The following CLSTN2 variants were observed in gnomAD, a reference collection of about 807,000 sequenced individuals.
The protein encoded by CLSTN2 is calsyntenin 2.
Under a neutral mutation model 101.2 loss-of-function variants are expected in CLSTN2, and 48 were observed. The observed-to-expected ratio is 0.47, with a 90% confidence interval of 0.38 to 0.60. The LOEUF (loss-of-function observed/expected upper bound fraction) is 0.60, where lower values mean the gene tolerates loss of function less well. Among genes scored for constraint, CLSTN2 ranks in the 20% least tolerant of loss-of-function variants. The probability of loss-of-function intolerance (pLI) is 0.00; values close to 1 mark genes in which losing one functional copy is unlikely to be tolerated. For synonymous variants in CLSTN2, 481 were observed against 463.6 expected (o/e 1.04, Z -0.48); for missense variants, 1,160 against 1,238.2 (o/e 0.94, Z 0.95).
chr3:139,941,476 A>G (rs1025991770), intron 1 of CLSTN2, among the ~76,000 whole-genome samples: 1 of 152,194 alleles, frequency 6.6e-6, no homozygotes, highest in Non-Finnish European at 1.5e-5. Context: ...TCCAATTATC[A>G]AAGAGTTCAC....
chr3:140,317,488 AG>A (rs2087240859), intron 2 of CLSTN2, among the ~76,000 whole-genome samples: 1 of 152,118 alleles, frequency 6.6e-6, no homozygotes, highest in African/African-American at 2.4e-5. Flanking sequence ...CTTCTGTAAA[AG>A]TTCCTACAGC....
At position 139,935,194 on chromosome 3, in the gene CLSTN2, G is replaced by A. The variant is rs1156911750; in HGVS notation, c.-181G>A. 2 of 327,336 alleles carry A rather than the reference G, an allele frequency of 6.1e-6. No homozygotes were observed. The highest frequency in any genetic ancestry group is 1.1e-5 in the Non-Finnish European group (2 of 181,356). The allele number at this position is 327,336 out of a possible 1,614,324, so 20.3% of individuals were successfully genotyped here. A position where few individuals can be genotyped will look rare whatever the true frequency, so the allele number is the denominator to read the frequency against. ...GCTCCGGGTCCGCGCCAGTGAGCGC[G>A]GCTGCTGCCGGCGAGCTAGCGGCGC... On this transcript the variant is annotated 5_prime_UTR_variant, in exon 1 of 17. Coordinates refer to ENST00000458420, the MANE Select transcript of CLSTN2 (RefSeq NM_022131.3). The surrounding 1 kb of genome is among the most constrained non-coding windows in gnomAD (Gnocchi z 5.5).
chr3:139,985,275 TG>T, intron 1 of CLSTN2, among the ~76,000 whole-genome samples: 1 of 152,206 alleles, frequency 6.6e-6, no homozygotes, highest in Middle Eastern at 3.4e-3. Context: ...AGTCTCCGAG[TG>T]GGGGTGGACC....
At chr3:140,011,165 G>A (rs1037133526) in intron 1 of CLSTN2, among the ~76,000 whole-genome samples, 1 of 152,224 alleles carries the variant, frequency 6.6e-6, no homozygotes, top group African/African-American at 2.4e-5. Flanking sequence ...TTGAGCCATG[G>A]TGCTGTTAAC....
chr3:140,278,376 A>C (rs979781138), intron 2 of CLSTN2, among the ~76,000 whole-genome samples: 2 of 152,038 alleles, frequency 1.3e-5, no homozygotes, highest in African/African-American at 4.8e-5. Flanking sequence ...GCGGGTCCCC[A>C]CTACTCTTTA....
At chr3:140,526,861 G>A (rs1484712621) in intron 8 of CLSTN2, among the ~76,000 whole-genome samples, 1 of 152,136 alleles carries the variant, frequency 6.6e-6, no homozygotes, top group Non-Finnish European at 1.5e-5. Flanking sequence ...AATGAATGGT[G>A]TTGGGATAAC....
intron 2 of CLSTN2, among the ~76,000 whole-genome samples, chr3:140,347,252 T>A (rs1240313010): frequency 1.3e-5 from 2 of 152,200 alleles, no homozygotes; most frequent in African/African-American, 4.8e-5. Context: ...GCTATTGAAC[T>A]TTTCCTTGTT....
intron 4 of CLSTN2, among the ~76,000 whole-genome samples, chr3:140,418,005 TGTTTATTTTTCTACCACAATCA>T: frequency 6.6e-6 from 1 of 152,216 alleles, no homozygotes; most frequent in African/African-American, 2.4e-5. Context: ...TCAGCTTGTG[TGTTTATTTTTCTACCACAATCA>T]ATAGTGTTTG....
At chr3:140,508,046 A>C (rs952178063) in intron 8 of CLSTN2, 2 of 152,188 alleles carry the variant, frequency 1.3e-5, no homozygotes, top group Non-Finnish European at 2.9e-5. Flanking sequence ...CTATCCCCAG[A>C]ATGTGCATGG....
chr3:140,558,812 A>G lies in CLSTN2; in HGVS notation c.1996A>G (p.Ser666Gly), dbSNP rs753554206. ...VTLFPDIKIVSTFAKTEAPGD... is the reference protein window; with the variant it reads ...VTLFPDIKIVGTFAKTEAPGD... ...CCTCTTCCCTGATATCAAGATTGTG[A>G]GCACCTTCGCCAAAACCGAAGCCCC... The change falls in exon 12 of 17, where the codon AGC becomes GGC. Residue 666 changes from serine (S) to glycine (G), a missense_variant. Transcript: ENST00000458420. 1 of 1,614,026 alleles carries G rather than the reference A, an allele frequency of 6.2e-7. No individual in the cohort carries two copies. The highest frequency in any genetic ancestry group is 1.1e-5 in the South Asian group (1 of 91,076).
chr3:140,535,185 A>G (rs1195490466), intron 9 of CLSTN2, among the ~76,000 whole-genome samples: 2 of 152,226 alleles, frequency 1.3e-5, no homozygotes, highest in Admixed American at 6.5e-5. Flanking sequence ...AAGCAGACCA[A>G]CCAGAAAACT....
intron 10 of CLSTN2, among the ~76,000 whole-genome samples, chr3:140,550,665 C>T (rs539795216): frequency 3.3e-5 from 5 of 151,998 alleles, no homozygotes; most frequent in South Asian, 2.1e-4. Context: ...ATGCTGGGCT[C>T]AAAAGTCATG....
At chr3:140,520,585 G>A (rs1010017238) in intron 8 of CLSTN2, among the ~76,000 whole-genome samples, 5 of 152,138 alleles carry the variant, frequency 3.3e-5, no homozygotes, top group Admixed American at 2.0e-4. Flanking sequence ...GGGGATTATC[G>A]GGATTATAAT....
chr3:140,110,770 GGTGCCCACCTGGAAGCCCTGCCTCTA>G (rs2009141557), intron 1 of CLSTN2, among the ~76,000 whole-genome samples: 1 of 152,108 alleles, frequency 6.6e-6, no homozygotes, highest in Non-Finnish European at 1.5e-5. Context: ...TCAGCCTCTG[GGTGCCCACCTGGAAGCCCTGCCTCTA>G]GTCAGATGGC....
At chr3:140,062,935 G>T (rs2008231802) in intron 1 of CLSTN2, among the ~76,000 whole-genome samples, 1 of 152,090 alleles carries the variant, frequency 6.6e-6, no homozygotes, top group Admixed American at 6.5e-5. Context: ...TAATACATTT[G>T]ATTATAAAAT....
intron 2 of CLSTN2, among the ~76,000 whole-genome samples, chr3:140,233,129 G>A (rs540071885): frequency 6.6e-6 from 1 of 152,106 alleles, no homozygotes; most frequent in Non-Finnish European, 1.5e-5. Context: ...TTGATACTCT[G>A]ACCCTAGATT....
chr3:140,349,073 G>T (rs1238057499), intron 2 of CLSTN2, among the ~76,000 whole-genome samples: 1 of 152,198 alleles, frequency 6.6e-6, no homozygotes, highest in African/African-American at 2.4e-5. Flanking sequence ...CCCCCATTCT[G>T]CTCTTGTGAT....
At chr3:140,025,346 G>A (rs1317490520) in intron 1 of CLSTN2, among the ~76,000 whole-genome samples, 2 of 152,186 alleles carry the variant, frequency 1.3e-5, no homozygotes, top group Admixed American at 1.3e-4. Context: ...TTTGTTCCAG[G>A]TGCAGCTTTG....
chr3:140,045,234 CA>C (rs2007850580), intron 1 of CLSTN2, among the ~76,000 whole-genome samples: 1 of 152,100 alleles, frequency 6.6e-6, no homozygotes, highest in Non-Finnish European at 1.5e-5. Flanking sequence ...TTGAGGGATT[CA>C]AGTTCTTCCT....
Sources: gnomAD v4.1 joint callset for allele counts (sites outside exome capture counted in the v4.1 genomes callset) on GRCh38, gnomAD v4.1.1 for gene constraint, Gnocchi (gnomAD v3.1) non-coding constraint, MANE v1.5 for transcripts, NCBI Gene and HGNC (gene_info 2026-07-23, HGNC 2026-07-21) for gene names.